The following TESK2 variants were observed in gnomAD, a reference collection of about 807,000 sequenced individuals.
The protein encoded by TESK2 is dual specificity testis-specific protein kinase 2.
In TESK2, 39 loss-of-function variants were observed where a neutral mutation model predicts 57.1. The observed-to-expected ratio is 0.68, with a 90% CI of 0.53 to 0.89. The LOEUF is 0.89. Among genes scored for constraint, TESK2 ranks in the 40% least tolerant of loss-of-function variants. TESK2 has a pLI of 0.00. For synonymous variants in TESK2, 249 were observed against 267.9 expected (o/e 0.93, Z 0.69); for missense variants, 646 against 732.1 (o/e 0.88, Z 1.36).
At chr1:45,437,948 T>C (rs1463456753) in intron 2 of TESK2, among the ~76,000 whole-genome samples, 1 of 152,172 alleles carries the variant, frequency 6.6e-6, no homozygotes, top group East Asian at 1.9e-4. Flanking sequence ...TTCCAAGTAG[T>C]CTTTTTGGGA....
chr1:45,439,642 T>C (rs1434596196), intron 2 of TESK2, among the ~76,000 whole-genome samples: 3 of 152,078 alleles, frequency 2.0e-5, no homozygotes, highest in East Asian at 3.9e-4. Flanking sequence ...GGTCAGAAAG[T>C]TTGTAAGTGG....
intron 3 of TESK2, among the ~76,000 whole-genome samples, chr1:45,386,954 A>G (rs1028225008): frequency 3.3e-5 from 5 of 152,034 alleles, no homozygotes; most frequent in African/African-American, 1.2e-4. Context: ...ACCCAGCCCC[A>G]TATGTAGTTT....
In TESK2 at chr1:45,347,030, G is replaced by A. The variant is rs55667403; in HGVS notation, c.741C>T (p.Cys247=). ...CGGCCTGGATGCGGGCGATGATCTC[G>A]CAGAGGATGATACCATAAGAGAACA... is the stretch of plus-strand genomic sequence containing the variant. ...ADVFSYGIIL[C]EIIARIQADP... is the part of the protein sequence containing the mutation. Residue 247 remains cysteine, a synonymous_variant, in exon 8 of 11, where the codon TGC becomes TGT. Coordinates refer to ENST00000372086, the MANE Select transcript of TESK2 (RefSeq NM_007170.3). The A allele has an allele frequency of 1.3e-4, 213 of 1,614,188 alleles. 2 individuals carry two copies. The East Asian group carries it at 2.3e-3, about 17-fold the overall frequency.
In TESK2 at chr1:45,386,003, A is replaced by C. The variant is rs761933352; in HGVS notation, c.345-43T>G. 12 of 1,477,352 alleles carry C rather than the reference A, an allele frequency of 8.1e-6. No homozygotes were observed. The East Asian group carries it at 2.8e-4, about 34-fold the overall frequency. The allele number at this position is 1,477,352 out of a possible 1,614,324, so 91.5% of individuals were successfully genotyped here. ...ATTATTTAACAAGTGAAAAGGACAC[A>C]AATATAAATTCATATAGAGAAATCA... On this transcript the variant is annotated intron_variant, in intron 3 of 10. Transcript: ENST00000372086.
intron 3 of TESK2, among the ~76,000 whole-genome samples, chr1:45,406,232 A>G (rs945940546): frequency 6.6e-6 from 1 of 152,224 alleles, no homozygotes; most frequent in East Asian, 1.9e-4. Flanking sequence ...TCTTATCTCA[A>G]AATAAATAAT....
rs561566330 is a variant in TESK2, at chr1:45,464,039, T to C, written c.-86-6168A>G. 5.9e-5 allele frequency among the ~76,000 whole-genome samples: 9 copies of C among 152,282 alleles called. No individual in the cohort carries two copies. In the South Asian group the frequency reaches 1.9e-3, roughly 32 times the overall value. On this transcript the variant is annotated intron_variant, in intron 1 of 10. Transcript: ENST00000372086. ...TTCTAGGTCTTTTGTGGTTCTAAAATTTGAGGATTTTTTTTCTATTTCTGT... is the reference window on the plus strand; with the variant it reads ...TTCTAGGTCTTTTGTGGTTCTAAAACTTGAGGATTTTTTTTCTATTTCTGT...
At chr1:45,382,016 G>A (rs2149273310) in intron 4 of TESK2, among the ~76,000 whole-genome samples, 1 of 151,968 alleles carries the variant, frequency 6.6e-6, no homozygotes, top group East Asian at 1.9e-4. Context: ...GACTGTAGGT[G>A]TGTATCACCA....
At chr1:45,351,710 C>T (rs1647235094) in intron 5 of TESK2, among the ~76,000 whole-genome samples, 1 of 152,228 alleles carries the variant, frequency 6.6e-6, no homozygotes. Flanking sequence ...GTTCCAAGGT[C>T]ACTGAAGTCG....
intron 3 of TESK2, among the ~76,000 whole-genome samples, chr1:45,394,611 A>G (rs896578634): frequency 1.4e-5 from 2 of 141,278 alleles, no homozygotes; most frequent in Non-Finnish European, 3.1e-5. Flanking sequence ...ACATGCAGTG[A>G]GTAGCAAAGC....
intron 3 of TESK2, 61 bp downstream of exon 3, chr1:45,421,664 T>C: frequency 1.2e-6 from 2 of 1,605,852 alleles, no homozygotes; most frequent in Non-Finnish European, 1.7e-6. Flanking sequence ...ATTAGTGCTA[T>C]TCTAGCAAGC....
intron 4 of TESK2, among the ~76,000 whole-genome samples, chr1:45,365,850 A>G (rs561679148): frequency 6.6e-6 from 1 of 150,384 alleles, no homozygotes; most frequent in South Asian, 2.1e-4. Context: ...TAATTTTTGT[A>G]TTTTTAGTAG....
intron 2 of TESK2, among the ~76,000 whole-genome samples, chr1:45,435,104 C>T (rs1165334390): frequency 2.0e-5 from 3 of 151,872 alleles, no homozygotes; most frequent in Non-Finnish European, 2.9e-5. Context: ...GCTGGGACTA[C>T]AGGTGTGCAC....
At chr1:45,450,766 TC>T (rs916719195) in intron 2 of TESK2, among the ~76,000 whole-genome samples, 1 of 142,860 alleles carries the variant, frequency 7.0e-6, no homozygotes, top group African/African-American at 2.5e-5. Context: ...TATTTCTTTT[TC>T]TTTTTTTTTA....
At chr1:45,477,640 A>G (rs1653051637) in intron 1 of TESK2, among the ~76,000 whole-genome samples, 1 of 148,484 alleles carries the variant, frequency 6.7e-6, no homozygotes, top group Admixed American at 6.8e-5. Context: ...AAAAAAAAAG[A>G]AAGATTTTAA....
At chr1:45,431,541 C>T (rs149524489) in intron 2 of TESK2, among the ~76,000 whole-genome samples, 44 of 152,168 alleles carry the variant, frequency 2.9e-4, no homozygotes, top group African/African-American at 7.9e-4. Flanking sequence ...AGACATGATG[C>T]GCACATAAAG....
chr1:45,349,940 G>A (rs1341099703), intron 5 of TESK2, among the ~76,000 whole-genome samples: 1 of 152,138 alleles, frequency 6.6e-6, no homozygotes, highest in African/African-American at 2.4e-5. Context: ...TCAGGAGTTC[G>A]AGACCAGCTT....
At chr1:45,421,007 G>T (rs1052869797) in intron 3 of TESK2, among the ~76,000 whole-genome samples, 2 of 152,082 alleles carry the variant, frequency 1.3e-5, no homozygotes, top group African/African-American at 4.8e-5. Flanking sequence ...AAAAATAATT[G>T]TCCACTTTGG....
At position 45,344,930 on chromosome 1, in the gene TESK2, C is replaced by T. The variant is rs781132402; in HGVS notation, c.1626G>A (p.Met542Ile). The change falls in exon 11 of 11, where the codon ATG (methionine) becomes ATA (isoleucine). Residue 542 changes from methionine to isoleucine, a missense_variant. By Grantham distance (10) the Met-to-Ile change is conservative. Coordinates refer to ENST00000372086, the MANE Select transcript of TESK2 (RefSeq NM_007170.3). ...SPCPAGASEE[M>I]EVEERPAGST... ...AGCCTGCTGGCCTTTCTTCTACCTC[C>T]ATCTCCTCAGAAGCACCCGCAGGGC... 1 of 1,614,114 alleles carries T rather than the reference C, an allele frequency of 6.2e-7. No homozygotes were observed. The highest frequency in any genetic ancestry group is 1.1e-5 in the South Asian group (1 of 91,090).
At chr1:45,485,525 T>TA (rs1553160103) in intron 1 of TESK2, among the ~76,000 whole-genome samples, 5 of 73,384 alleles carry the variant, frequency 6.8e-5, no homozygotes, top group Non-Finnish European at 7.5e-5. Context: ...TTTATTTTAT[T>TA]TTTTTTTTTT....
Sources: allele counts gnomAD v4.1 joint callset (sites outside exome capture counted in the v4.1 genomes callset), GRCh38; gene constraint gnomAD v4.1.1; transcripts MANE v1.5; gene names NCBI Gene and HGNC (gene_info 2026-07-23, HGNC 2026-07-21).